AGBL4: variants seen among roughly 807,000 people sequenced by gnomAD.
AGBL4 encodes the protein AGBL carboxypeptidase 4, also known as cytosolic carboxypeptidase 6.
In AGBL4, 58 loss-of-function variants were observed where a neutral mutation model predicts 66.4. The observed-to-expected ratio is 0.87, with a 90% CI of 0.71 to 1.09. The LOEUF (loss-of-function observed/expected upper bound fraction) is 1.09, where lower values mean the gene tolerates loss of function less well. Ranked by LOEUF, AGBL4 falls within the 50% of genes least tolerant of loss-of-function variation. The pLI is 0.00. For missense variants in AGBL4, 579 were observed against 631.0 expected (o/e 0.92, Z 0.88); for synonymous variants, 234 against 222.9 (o/e 1.05, Z -0.44).
At chr1:49,749,029 A>C (rs1251516898) in intron 2 of AGBL4, among the ~76,000 whole-genome samples, 2 of 152,076 alleles carry the variant, frequency 1.3e-5, no homozygotes, top group South Asian at 4.1e-4. Flanking sequence ...CCATTTATCA[A>C]TTTTGGCTTT....
chr1:48,573,969 C>T (rs750431243), intron 11 of AGBL4, among the ~76,000 whole-genome samples: 20 of 152,178 alleles, frequency 1.3e-4, no homozygotes, highest in Non-Finnish European at 2.6e-4. Flanking sequence ...GATTAGGTCA[C>T]TTGCCTAAGT....
intron 3 of AGBL4, among the ~76,000 whole-genome samples, chr1:49,655,059 A>T (rs1173059966): frequency 6.6e-6 from 1 of 152,092 alleles, no homozygotes; most frequent in Non-Finnish European, 1.5e-5. Context: ...AGATGCTCAT[A>T]CCGGTTATGC....
At chr1:49,327,999 G>A (rs1557842876) in intron 3 of AGBL4, among the ~76,000 whole-genome samples, 1 of 152,092 alleles carries the variant, frequency 6.6e-6, no homozygotes, top group Non-Finnish European at 1.5e-5. Flanking sequence ...TGAAAAAGGA[G>A]ACAAATATTC....
At chr1:48,996,813 T>TCCTC (rs944616067) in intron 5 of AGBL4, among the ~76,000 whole-genome samples, 4 of 130,444 alleles carry the variant, frequency 3.1e-5, no homozygotes, top group African/African-American at 1.1e-4. Context: ...TTTCCTTCCT[T>TCCTC]CCTCCCTTCC....
At chr1:49,925,052 C>T (rs939500932) in intron 1 of AGBL4, among the ~76,000 whole-genome samples, 6 of 152,182 alleles carry the variant, frequency 3.9e-5, no homozygotes, top group African/African-American at 7.2e-5. Context: ...GAAACACCAG[C>T]GAGGTGGCTA....
chr1:49,358,897 C>G (rs1359290226), intron 3 of AGBL4, among the ~76,000 whole-genome samples: 1 of 152,192 alleles, frequency 6.6e-6, no homozygotes, highest in African/African-American at 2.4e-5. Flanking sequence ...TCAAAGCCTA[C>G]TACAGTTTAT....
chr1:49,856,999 A>C (rs1166627494), intron 1 of AGBL4, among the ~76,000 whole-genome samples: 1 of 152,042 alleles, frequency 6.6e-6, no homozygotes, highest in East Asian at 1.9e-4. Context: ...CAAAAAAAAA[A>C]AACTGTTGAA....
At chr1:49,139,360 A>G (rs1165387595) in intron 4 of AGBL4, among the ~76,000 whole-genome samples, 1 of 152,162 alleles carries the variant, frequency 6.6e-6, no homozygotes, top group Non-Finnish European at 1.5e-5. Flanking sequence ...GTAGAGTGGC[A>G]CCATTCATTT....
chr1:48,742,593 AG>A (rs767956340), intron 6 of AGBL4: 17 of 1,492,924 alleles, frequency 1.1e-5, no homozygotes, highest in Non-Finnish European at 1.5e-5. Flanking sequence ...AAACACTTGC[AG>A]GGAATGGATA....
chr1:49,810,561 A>G (rs549932568), intron 2 of AGBL4, among the ~76,000 whole-genome samples: 1 of 152,254 alleles, frequency 6.6e-6, no homozygotes, highest in East Asian at 1.9e-4. Flanking sequence ...GGAGAAGGCT[A>G]TATAAAGAAG....
chr1:48,942,250 T>G (rs1656042576), intron 5 of AGBL4, among the ~76,000 whole-genome samples: 1 of 151,576 alleles, frequency 6.6e-6, no homozygotes, highest in Non-Finnish European at 1.5e-5. Context: ...AAGGACTCTC[T>G]GCAGAAATAC....
intron 3 of AGBL4, among the ~76,000 whole-genome samples, chr1:49,248,758 G>C (rs1173096322): frequency 6.6e-6 from 1 of 152,092 alleles, no homozygotes. Flanking sequence ...ATCTAAACAG[G>C]TGTTCAATAT....
At chr1:49,919,820 G>A (rs1420794224) in intron 1 of AGBL4, among the ~76,000 whole-genome samples, 66 of 152,174 alleles carry the variant, frequency 4.3e-4, no homozygotes, top group East Asian at 7.7e-4. Flanking sequence ...GAGGCATCAC[G>A]CTACCTGACT....
chr1:49,712,966 C>T (rs1647787636), intron 2 of AGBL4, among the ~76,000 whole-genome samples: 1 of 151,964 alleles, frequency 6.6e-6, no homozygotes. Flanking sequence ...ATAACATTAA[C>T]TATTAGTAGT....
chr1:49,130,023 G>A lies in AGBL4; in HGVS notation c.378-84223C>T, dbSNP rs1156957077. Among the ~76,000 whole-genome samples, 3 of 152,164 alleles carry A rather than the reference G, an allele frequency of 2.0e-5. No individual in the cohort carries two copies. In the East Asian group the frequency reaches 5.8e-4, roughly 29 times the overall value. ...TCACCTTTCTAACTGGTGTGAGATG[G>A]TATCTCATAGTGGTTTTGATTTGCA... On this transcript the variant is annotated intron_variant, in intron 4 of 13. Coordinates refer to ENST00000371839, the MANE Select transcript of AGBL4 (RefSeq NM_032785.4).
intron 1 of AGBL4, among the ~76,000 whole-genome samples, chr1:49,892,415 A>G (rs1253411488): frequency 6.6e-6 from 1 of 152,128 alleles, no homozygotes; most frequent in African/African-American, 2.4e-5. Context: ...CCTCCAAATT[A>G]TTCATTCCTT....
chr1:48,948,954 ACT>A (rs1247696272), intron 5 of AGBL4, among the ~76,000 whole-genome samples: 1 of 152,188 alleles, frequency 6.6e-6, no homozygotes, highest in Non-Finnish European at 1.5e-5. Context: ...TTGTGCACTC[ACT>A]CTGTGTTACA....
chr1:49,566,696 C>T (rs937843888), intron 3 of AGBL4, among the ~76,000 whole-genome samples: 18 of 152,188 alleles, frequency 1.2e-4, no homozygotes, highest in Non-Finnish European at 2.5e-4. Flanking sequence ...TGTGAGGTGT[C>T]AGTCCGCCCC....
At chr1:48,579,695 G>A (rs1366963650) in intron 11 of AGBL4, among the ~76,000 whole-genome samples, 1 of 149,838 alleles carries the variant, frequency 6.7e-6, no homozygotes, top group Non-Finnish European at 1.5e-5. Flanking sequence ...TGGATCACGA[G>A]GTCAGGAGAT....
Sources: gnomAD v4.1 joint callset for allele counts (sites outside exome capture counted in the v4.1 genomes callset) on GRCh38, gnomAD v4.1.1 for gene constraint, MANE v1.5 for transcripts, NCBI Gene and HGNC (gene_info 2026-07-23, HGNC 2026-07-21) for gene names.